The following SAMD3 variants were observed in gnomAD, a reference collection of about 807,000 sequenced individuals.
SAMD3 encodes the protein sterile alpha motif domain containing 3.
Under a neutral mutation model 58.5 loss-of-function variants are expected in SAMD3, and 63 were observed. The observed-to-expected ratio is 1.08, with a 90% CI of 0.88 to 1.33. The LOEUF (loss-of-function observed/expected upper bound fraction) is 1.33. Among genes scored for constraint, SAMD3 ranks in the 40% most tolerant of loss-of-function variants. SAMD3 has a pLI of 0.00. For missense variants in SAMD3, 604 were observed against 608.4 expected (o/e 0.99, Z 0.08); for synonymous variants, 220 against 210.3 (o/e 1.05, Z -0.40).
At chr6:130,152,694 AT>A (rs1789328817) in intron 9 of SAMD3, among the ~76,000 whole-genome samples, 2 of 152,110 alleles carry the variant, frequency 1.3e-5, no homozygotes, top group Admixed American at 6.6e-5. Context: ...AAATAAATAA[AT>A]AAATAAAACA....
chr6:130,170,301 G>T (rs2114648629), intron 8 of SAMD3, among the ~76,000 whole-genome samples: 1 of 152,304 alleles, frequency 6.6e-6, no homozygotes, highest in South Asian at 2.1e-4. Flanking sequence ...TGGTGTGTTT[G>T]GTTTCCTGTT....
chr6:130,318,430 T>C (rs556506065), intron 1 of SAMD3, among the ~76,000 whole-genome samples: 1 of 152,326 alleles, frequency 6.6e-6, no homozygotes, highest in African/African-American at 2.4e-5. Flanking sequence ...AAAATTTTTT[T>C]TTTAATTTTT....
chr6:130,263,276 T>C (rs1774207220), intron 2 of SAMD3, among the ~76,000 whole-genome samples: 1 of 152,176 alleles, frequency 6.6e-6, no homozygotes, highest in Non-Finnish European at 1.5e-5. Context: ...TTCTTAAAAA[T>C]TATATACTTG....
intron 1 of SAMD3, among the ~76,000 whole-genome samples, chr6:130,331,622 G>T (rs550664197): frequency 1.3e-5 from 2 of 152,244 alleles, no homozygotes; most frequent in African/African-American, 4.8e-5. Context: ...AGGAGGCTGA[G>T]GCTGGAGAGT....
chr6:130,282,726 G>A (rs935379044), intron 2 of SAMD3, among the ~76,000 whole-genome samples: 3 of 152,188 alleles, frequency 2.0e-5, no homozygotes, highest in African/African-American at 7.2e-5. Flanking sequence ...AGAATTTTCT[G>A]AGAATTCAAA....
intron 7 of SAMD3, among the ~76,000 whole-genome samples, chr6:130,179,402 C>T (rs1296965810): frequency 2.6e-5 from 4 of 152,084 alleles, no homozygotes; most frequent in Non-Finnish European, 5.9e-5. Flanking sequence ...GAAGACAGCT[C>T]TCCGTCAACC....
chr6:130,223,817 A>C (rs114611279), upstream of SAMD3, among the ~76,000 whole-genome samples: 6,674 of 152,254 alleles, frequency 0.044, 482 homozygotes, highest in African/African-American at 0.15. Context: ...TTACAGCTCC[A>C]GAAGCCCCAG....
chr6:130,351,554 G>A (rs1303024580), intron 1 of SAMD3, among the ~76,000 whole-genome samples: 2 of 152,266 alleles, frequency 1.3e-5, no homozygotes, highest in African/African-American at 2.4e-5. Flanking sequence ...TTAGAATGGT[G>A]ATCATTAAAA....
intron 1 of SAMD3, among the ~76,000 whole-genome samples, chr6:130,333,950 CTCTGAGG>C (rs1226596519): frequency 2.0e-5 from 3 of 152,212 alleles, no homozygotes; most frequent in Non-Finnish European, 2.9e-5. Flanking sequence ...GCTGCCGCTT[CTCTGAGG>C]CTCTGCCAAG....
chr6:130,271,561 T>C (rs1049963668), intron 2 of SAMD3, among the ~76,000 whole-genome samples: 1 of 152,202 alleles, frequency 6.6e-6, no homozygotes, highest in Non-Finnish European at 1.5e-5. Context: ...GAAAATAATA[T>C]TTTGTTGGTC....
intron 1 of SAMD3, among the ~76,000 whole-genome samples, chr6:130,339,342 C>T (rs1487111726): frequency 6.6e-6 from 1 of 152,148 alleles, no homozygotes; most frequent in Non-Finnish European, 1.5e-5. Flanking sequence ...CCACTGCTCC[C>T]AGCCCCGAAT....
chr6:130,205,796 C>A (rs912517989), intron 5 of SAMD3, among the ~76,000 whole-genome samples: 1 of 152,188 alleles, frequency 6.6e-6, no homozygotes, highest in African/African-American at 2.4e-5. Flanking sequence ...GTAGATGACA[C>A]TATACACAGA....
chr6:130,217,880 C>T (rs560120027), intron 1 of SAMD3, among the ~76,000 whole-genome samples: 1 of 152,258 alleles, frequency 6.6e-6, no homozygotes, highest in East Asian at 1.9e-4. Context: ...TCATTCTGCC[C>T]TGAGAAAAAG....
exon 1 of SAMD3, chr6:130,365,268 G>A: frequency 1.0e-6 from 1 of 985,418 alleles, no homozygotes. Context: ...GATGTTTGGA[G>A]TCGAACATCC....
chr6:130,221,404 G>T (rs1402589509), intron 1 of SAMD3: 2 of 152,430 alleles, frequency 1.3e-5, no homozygotes, highest in Admixed American at 6.6e-5. Flanking sequence ...ACAGGGGTTG[G>T]GACGCTGACT....
chr6:130,162,848 C>G (rs1790390457), intron 8 of SAMD3, among the ~76,000 whole-genome samples: 3 of 152,136 alleles, frequency 2.0e-5, no homozygotes, highest in Admixed American at 2.0e-4. Context: ...CTGAGCTGTC[C>G]AGTATGGTAG....
chr6:130,286,277 T>C (rs1039972437), intron 2 of SAMD3: 5 of 152,182 alleles, frequency 3.3e-5, no homozygotes, highest in African/African-American at 1.2e-4. Context: ...GGAGGAAAAG[T>C]GAGCATCAAG....
intron 2 of SAMD3, among the ~76,000 whole-genome samples, chr6:130,277,004 A>T (rs1441532894): frequency 6.6e-6 from 1 of 152,220 alleles, no homozygotes; most frequent in Non-Finnish European, 1.5e-5. Context: ...TCAGAAAAAC[A>T]TCTCAAAAGA....
chr6:130,300,914 G>A (rs1775724500), intron 2 of SAMD3, among the ~76,000 whole-genome samples: 4 of 152,160 alleles, frequency 2.6e-5, no homozygotes, highest in South Asian at 4.2e-4. Context: ...TTGGTTTGCT[G>A]CACCCATCAA....
Sources: allele counts gnomAD v4.1 joint callset (sites outside exome capture counted in the v4.1 genomes callset), GRCh38; gene constraint gnomAD v4.1.1; transcripts MANE v1.5; gene names NCBI Gene and HGNC (gene_info 2026-07-23, HGNC 2026-07-21).